The following ADGRL2 variants were observed in gnomAD, a reference collection of about 807,000 sequenced individuals.
ADGRL2 encodes the protein calcium-independent alpha-latrotoxin receptor 2.
ADGRL2 carries 44 observed loss-of-function variants against 157.4 expected under a neutral mutation model. The observed-to-expected ratio is 0.28, with a 90% CI of 0.22 to 0.36. The LOEUF (loss-of-function observed/expected upper bound fraction) is 0.36. Among genes scored for constraint, ADGRL2 ranks in the 10% least tolerant of loss-of-function variants. ADGRL2 has a pLI of 1.00. For synonymous variants in ADGRL2, 585 were observed against 624.7 expected (o/e 0.94, Z 0.95); for missense variants, 1,510 against 1,768.9 (o/e 0.85, Z 2.63).
chr1:81,796,338 A>G (rs1462865942), upstream of ADGRL2, among the ~76,000 whole-genome samples: 1 of 152,172 alleles, frequency 6.6e-6, no homozygotes, highest in Non-Finnish European at 1.5e-5. Context: ...CAAGGTTATG[A>G]GTATTTATGA....
intron 3 of ADGRL2, among the ~76,000 whole-genome samples, chr1:81,592,166 A>C (rs1430506287): frequency 6.6e-6 from 1 of 152,194 alleles, no homozygotes; most frequent in African/African-American, 2.4e-5. Context: ...GAGACATTGC[A>C]TCAGCTACTA....
rs547601559 is a variant in ADGRL2 at position 81,447,767 on chromosome 1, G to A, written c.-248+2678G>A. On this transcript the variant is annotated intron_variant, in intron 2 of 24. Coordinates refer to the ADGRL2 transcript ENST00000370721. Reference sequence around the variant, plus strand: ...TATCTTTCCTTACATGTATGCGTATGCCTCTCATATGGTTTGTATCTGTGT... The same window carrying A: ...TATCTTTCCTTACATGTATGCGTATACCTCTCATATGGTTTGTATCTGTGT... 3.9e-5 allele frequency among the ~76,000 whole-genome samples: 6 copies of A among 152,246 alleles called. No individual in the cohort carries two copies. The South Asian group carries it at 1.2e-3, about 32-fold the overall frequency.
chr1:81,812,483 A>T (rs2089976797), intron 1 of ADGRL2, among the ~76,000 whole-genome samples: 1 of 151,694 alleles, frequency 6.6e-6, no homozygotes, highest in African/African-American at 2.4e-5. Flanking sequence ...ATTTTTGATT[A>T]AAAATAACTT....
intron 2 of ADGRL2, among the ~76,000 whole-genome samples, chr1:81,522,197 T>C (rs2079336901): frequency 1.3e-5 from 2 of 152,144 alleles, no homozygotes; most frequent in East Asian, 3.9e-4. Flanking sequence ...GCTCCTGACC[T>C]CAGGTGATCT....
At chr1:81,651,701 C>T (rs958306852) in intron 3 of ADGRL2, among the ~76,000 whole-genome samples, 1 of 152,076 alleles carries the variant, frequency 6.6e-6, no homozygotes, top group Non-Finnish European at 1.5e-5. Context: ...TAACAGAATG[C>T]TCCTGTCAAC....
intron 2 of ADGRL2, chr1:81,501,815 C>CAGCAGCAACAGA (rs2078857788): frequency 6.2e-7 from 1 of 1,603,140 alleles, no homozygotes; most frequent in Non-Finnish European, 8.5e-7. Flanking sequence ...GCAGCAACAG[C>CAGCAGCAACAGA]AGCAGCAACA....
intron 2 of ADGRL2, among the ~76,000 whole-genome samples, chr1:81,780,495 G>T (rs1023803794): frequency 6.6e-6 from 1 of 152,100 alleles, no homozygotes; most frequent in African/African-American, 2.4e-5. Context: ...GGCCTAAAAG[G>T]TTAAATGACT....
chr1:81,931,919 C>T lies in ADGRL2; in HGVS notation c.288-4809C>T, dbSNP rs2095238347. On this transcript the variant is annotated intron_variant, in intron 3 of 23. Coordinates refer to ENST00000686636, the MANE Select transcript of ADGRL2 (RefSeq NM_001366006.2). ...CCTCCCAAAATGCTGGGATTATAAG[C>T]GTGAGCAATAGCGCCTGACCCCGAA... Among the ~76,000 whole-genome samples, 3 of 152,112 alleles carry T rather than the reference C, an allele frequency of 2.0e-5. No homozygotes were observed. In the South Asian group the frequency reaches 6.2e-4, roughly 32 times the overall value.
At chr1:81,547,460 C>G (rs79355138) in intron 2 of ADGRL2, among the ~76,000 whole-genome samples, 2,475 of 152,240 alleles carry the variant, frequency 0.016, 69 homozygotes, top group African/African-American at 0.056. Context: ...GCAATGTTCT[C>G]CTATTTCTCT....
rs778199605 is a variant in ADGRL2, at chr1:81,333,206, G to A, written c.-302+26697G>A. Among the ~76,000 whole-genome samples the A allele has an allele frequency of 9.4e-4, 143 of 152,132 alleles. 1 individual carries two copies. Among genetic ancestry groups the A allele is most frequent in the Admixed American group, 2.0e-3 (31 of 15,288 alleles). Reference sequence around the variant, plus strand: ...CAGAGGGACCCAAAGAGAAATACCCGGATCTGGACTTTTTATTGCCGACCT... The same window carrying A: ...CAGAGGGACCCAAAGAGAAATACCCAGATCTGGACTTTTTATTGCCGACCT... On this transcript the variant is annotated intron_variant, in intron 1 of 24. Transcript: ENST00000370721.
intron 1 of ADGRL2, among the ~76,000 whole-genome samples, chr1:81,815,449 AAAAT>A (rs2090300734): frequency 6.6e-6 from 1 of 151,860 alleles, no homozygotes; most frequent in Non-Finnish European, 1.5e-5. Context: ...TCACCTCGAG[AAAAT>A]CTTTGTTTCA....
intron 1 of ADGRL2, among the ~76,000 whole-genome samples, chr1:81,322,899 C>A (rs1194460030): frequency 6.6e-6 from 1 of 152,070 alleles, no homozygotes; most frequent in Non-Finnish European, 1.5e-5. Flanking sequence ...ACTCTGTTGC[C>A]CAGGCTGGAG....
At chr1:81,671,971 T>C (rs1278609205) in intron 3 of ADGRL2, among the ~76,000 whole-genome samples, 1 of 152,248 alleles carries the variant, frequency 6.6e-6, no homozygotes, top group Non-Finnish European at 1.5e-5. Context: ...TTTAATAGTG[T>C]GTGTAAAAAG....
chr1:81,650,935 G>A (rs1004785977), intron 3 of ADGRL2, among the ~76,000 whole-genome samples: 3 of 152,010 alleles, frequency 2.0e-5, no homozygotes, highest in Non-Finnish European at 4.4e-5. Context: ...TGCAGTTTTT[G>A]CCCTCCCTCT....
intron 23 of ADGRL2, among the ~76,000 whole-genome samples, chr1:81,989,008 T>C (rs929146942): frequency 2.0e-5 from 3 of 152,040 alleles, no homozygotes; most frequent in African/African-American, 7.2e-5. Flanking sequence ...TCTAGGATTT[T>C]GAGAATGAAT....
intron 10 of ADGRL2, 176 bp from the exon 11 acceptor site, chr1:81,955,701 T>C (rs1653293354): frequency 2.3e-6 from 1 of 443,056 alleles, no homozygotes; most frequent in Non-Finnish European, 4.0e-6. Flanking sequence ...TGTTTTAAAA[T>C]GGTCCAGTTA....
At chr1:81,961,273 T>C (rs981973185) in intron 11 of ADGRL2, among the ~76,000 whole-genome samples, 10 of 152,134 alleles carry the variant, frequency 6.6e-5, no homozygotes, top group Admixed American at 5.9e-4. Flanking sequence ...CTGAGCCACA[T>C]ATTGGTATTT....
chr1:81,320,205 T>A (rs917123962), intron 1 of ADGRL2, among the ~76,000 whole-genome samples: 3 of 152,220 alleles, frequency 2.0e-5, no homozygotes, highest in African/African-American at 7.2e-5. Context: ...TCTGTAGCAA[T>A]TCAGTGACAT....
At position 81,533,156 on chromosome 1, in the gene ADGRL2, A is replaced by C. The variant is rs537059571; in HGVS notation, c.-247-47720A>C. ...AACTTTGGGAGGCCGAGGGGGGTGG[A>C]TCACCTGAGGTCAGGAGTTCAAGAC... On this transcript the variant is annotated intron_variant, in intron 2 of 24. Transcript: ENST00000370721. Among the ~76,000 whole-genome samples, 19 of 152,244 alleles carry C rather than the reference A, an allele frequency of 1.2e-4. No individual in the cohort carries two copies. In the East Asian group the frequency reaches 3.5e-3, roughly 28 times the overall value.
Sources: allele counts gnomAD v4.1 joint callset (sites outside exome capture counted in the v4.1 genomes callset), GRCh38; gene constraint gnomAD v4.1.1; transcripts MANE v1.5; gene names NCBI Gene and HGNC (gene_info 2026-07-23, HGNC 2026-07-21).